DSCAM: variants seen among roughly 807,000 people sequenced by gnomAD.
DSCAM encodes the protein DS cell adhesion molecule.
A neutral mutation model predicts 217.7 loss-of-function variants in DSCAM; 47 were observed. That is an observed-to-expected ratio of 0.22 (90% confidence interval 0.17 to 0.28). DSCAM has a LOEUF of 0.28. Among genes scored for constraint, DSCAM ranks in the 10% least tolerant of loss-of-function variants. DSCAM has a pLI of 1.00. For missense variants in DSCAM, 2,080 were observed against 2,618.3 expected (o/e 0.79, Z 4.49); for synonymous variants, 1,056 against 1,015.3 (o/e 1.04, Z -0.76).
chr21:40,043,961 A>G (rs916629393), intron 31 of DSCAM, 117 bp downstream of exon 31: 15 of 1,057,714 alleles, frequency 1.4e-5, no homozygotes, highest in South Asian at 3.0e-5. Context: ...GTGACCTTCA[A>G]AAGAACATAA....
intron 20 of DSCAM, among the ~76,000 whole-genome samples, chr21:40,097,110 G>A (rs1402650284): frequency 6.6e-6 from 1 of 151,860 alleles, no homozygotes; most frequent in Non-Finnish European, 1.5e-5. Context: ...AGTAGAAAAA[G>A]GAGGTAATTA....
chr21:40,085,475 T>G, intron 23 of DSCAM, 127 bp downstream of exon 23: 1 of 853,608 alleles, frequency 1.2e-6, no homozygotes, highest in Non-Finnish European at 1.6e-6. Context: ...TGTTTTCTTT[T>G]TCTGTAATAT....
chr21:40,338,005 T>G (rs2074445859), intron 8 of DSCAM, 96 bp downstream of exon 8: 1 of 1,453,224 alleles, frequency 6.9e-7, no homozygotes, highest in Admixed American at 1.8e-5. Flanking sequence ...CTGCTCTAAA[T>G]AAGCAGATCT....
At chr21:40,820,490 A>C (rs766297617) in intron 1 of DSCAM, among the ~76,000 whole-genome samples, 31 of 152,168 alleles carry the variant, frequency 2.0e-4, no homozygotes, top group South Asian at 2.1e-4. Context: ...GGAGAGCATT[A>C]GGACAAATAC....
At chr21:40,226,446 C>T (rs435386) in intron 11 of DSCAM, among the ~76,000 whole-genome samples, 84,098 of 151,836 alleles carry the variant, frequency 0.55, 25,247 homozygotes, top group African/African-American at 0.8. Flanking sequence ...ATTTTAATGT[C>T]GGGAGAGATA....
At chr21:40,807,317 C>A (rs968237647) in intron 1 of DSCAM, among the ~76,000 whole-genome samples, 1 of 152,236 alleles carries the variant, frequency 6.6e-6, no homozygotes, top group Admixed American at 6.5e-5. Context: ...TGGCTTCTCA[C>A]ACCTGCATCC....
At chr21:40,809,311 A>G (rs556619107) in intron 1 of DSCAM, among the ~76,000 whole-genome samples, 118 of 152,308 alleles carry the variant, frequency 7.7e-4, no homozygotes, top group African/African-American at 2.7e-3. Context: ...TAATTTGAGG[A>G]AAAGCCGATC....
At chr21:40,591,238 G>A (rs546251016) in intron 3 of DSCAM, among the ~76,000 whole-genome samples, 4 of 152,192 alleles carry the variant, frequency 2.6e-5, no homozygotes, top group Non-Finnish European at 5.9e-5. Flanking sequence ...ATGAAGAACT[G>A]TGAGTCAATT....
At chr21:40,385,453 CA>C (rs1322351550) in intron 3 of DSCAM, 1 of 152,106 alleles carries the variant, frequency 6.6e-6, no homozygotes, top group Non-Finnish European at 1.5e-5. Context: ...TCAATGAATC[CA>C]CTCATTTCAC....
At chr21:40,245,887 A>C (rs1054184227) in intron 11 of DSCAM, among the ~76,000 whole-genome samples, 2 of 152,160 alleles carry the variant, frequency 1.3e-5, no homozygotes, top group Non-Finnish European at 2.9e-5. Context: ...GGAGCTCCAC[A>C]GCAATGGATC....
At chr21:40,801,439 T>C (rs760804138) in intron 1 of DSCAM, among the ~76,000 whole-genome samples, 8 of 152,158 alleles carry the variant, frequency 5.3e-5, no homozygotes, top group Non-Finnish European at 1.0e-4. Context: ...AACATATTAG[T>C]ATGAATAGAA....
intron 3 of DSCAM, among the ~76,000 whole-genome samples, chr21:40,563,772 T>TTATA (rs59999408): frequency 2.7e-5 from 4 of 146,740 alleles, no homozygotes; most frequent in South Asian, 2.1e-4. Flanking sequence ...GTTTGTATGT[T>TTATA]TATATATATG....
intron 19 of DSCAM, among the ~76,000 whole-genome samples, chr21:40,126,369 A>G (rs563762372): frequency 1.1e-4 from 16 of 152,258 alleles, no homozygotes; most frequent in African/African-American, 3.8e-4. Context: ...AAGAAAGGAA[A>G]GAAAGAAGAA....
At chr21:40,407,306 A>T (rs2075287628) in intron 3 of DSCAM, among the ~76,000 whole-genome samples, 1 of 152,350 alleles carries the variant, frequency 6.6e-6, no homozygotes, top group Admixed American at 6.5e-5. Flanking sequence ...CACTAAAACT[A>T]AATTTTAAAA....
chr21:40,614,517 T>C (rs2089362290), intron 3 of DSCAM, among the ~76,000 whole-genome samples: 1 of 152,186 alleles, frequency 6.6e-6, no homozygotes, highest in South Asian at 2.1e-4. Context: ...GAACAACTTT[T>C]ATGGAGGATA....
At chr21:40,758,085 G>A (rs923834964) in intron 1 of DSCAM, among the ~76,000 whole-genome samples, 4 of 152,136 alleles carry the variant, frequency 2.6e-5, no homozygotes, top group African/African-American at 9.7e-5. Context: ...GACCCACAGG[G>A]AGAACACGGT....
intron 32 of DSCAM, among the ~76,000 whole-genome samples, chr21:40,039,570 A>G (rs2088704461): frequency 6.6e-6 from 1 of 152,136 alleles, no homozygotes; most frequent in African/African-American, 2.4e-5. Context: ...ATATATATTT[A>G]TGTATAGAGA....
At chr21:40,069,155 C>T (rs2089253340) in intron 27 of DSCAM, among the ~76,000 whole-genome samples, 1 of 151,874 alleles carries the variant, frequency 6.6e-6, no homozygotes, top group Non-Finnish European at 1.5e-5. Flanking sequence ...CATACTCAAC[C>T]ATTTTGCATG....
chr21:40,465,695 A>C (rs2075839078), intron 3 of DSCAM, among the ~76,000 whole-genome samples: 1 of 152,142 alleles, frequency 6.6e-6, no homozygotes, highest in Non-Finnish European at 1.5e-5. Context: ...AGGGTATTTT[A>C]TGAGTGGCCC....
Sources: allele counts gnomAD v4.1 joint callset (sites outside exome capture counted in the v4.1 genomes callset), GRCh38; gene constraint gnomAD v4.1.1; transcripts MANE v1.5; gene names NCBI Gene and HGNC (gene_info 2026-07-23, HGNC 2026-07-21).